Variants in SLC24A2 observed in about 807,000 individuals in gnomAD.
SLC24A2 encodes the protein sodium/potassium/calcium exchanger 2.
A neutral mutation model predicts 62.0 loss-of-function variants in SLC24A2; 36 were observed. The observed-to-expected ratio is 0.58, with a 90% CI of 0.44 to 0.77. The LOEUF (loss-of-function observed/expected upper bound fraction) is 0.77, where lower values mean the gene tolerates loss of function less well. SLC24A2 is among the 30% of genes least tolerant of loss of function. The probability of loss-of-function intolerance (pLI) is 0.00; values close to 1 mark genes in which losing one functional copy is unlikely to be tolerated. For synonymous variants in SLC24A2, 358 were observed against 294.0 expected, an observed-to-expected ratio of 1.22 and a Z score of -2.23; for missense variants, 846 against 817.9, an observed-to-expected ratio of 1.03 and a Z score of -0.42.
chr9:19,993,671 C>G, the SLC24A2 span, among the ~76,000 whole-genome samples: 1 of 152,184 alleles, frequency 6.6e-6, no homozygotes, highest in Non-Finnish European at 1.5e-5. Flanking sequence ...GCAGAGCCCA[C>G]ACAGAGTTCT....
the SLC24A2 span, among the ~76,000 whole-genome samples, chr9:20,056,029 C>T: frequency 6.6e-6 from 1 of 152,064 alleles, no homozygotes; most frequent in South Asian, 2.1e-4. Flanking sequence ...TGAAGTTTAC[C>T]ATACAAATTC....
At chr9:19,567,690 CAA>C (rs113815958) in intron 7 of SLC24A2, among the ~76,000 whole-genome samples, 57 of 142,508 alleles carry the variant, frequency 4.0e-4, no homozygotes, top group African/African-American at 9.9e-4. Flanking sequence ...TTAAAATAAC[CAA>C]AAAAAAAAAA....
the SLC24A2 span, among the ~76,000 whole-genome samples, chr9:20,081,053 T>C: frequency 2.0e-5 from 3 of 152,220 alleles, no homozygotes; most frequent in Admixed American, 6.5e-5. Context: ...GTTCAACCAT[T>C]GTGGAAGTCA....
the SLC24A2 span, among the ~76,000 whole-genome samples, chr9:19,884,012 C>T: frequency 1.3e-5 from 2 of 152,162 alleles, no homozygotes; most frequent in Admixed American, 6.5e-5. Flanking sequence ...GAAGTGATCT[C>T]ATCGAGTACA....
chr9:19,518,888 T>G (rs1034111768), intron 10 of SLC24A2, among the ~76,000 whole-genome samples: 4 of 152,176 alleles, frequency 2.6e-5, no homozygotes, highest in African/African-American at 9.7e-5. Flanking sequence ...AAAGAACTTT[T>G]TGGAAAAGAA....
the SLC24A2 span, among the ~76,000 whole-genome samples, chr9:20,258,740 A>G: frequency 6.6e-6 from 1 of 152,022 alleles, no homozygotes; most frequent in East Asian, 1.9e-4. Flanking sequence ...TTGTAAGCCA[A>G]TTCCCTAATG....
chr9:20,113,186 C>T, the SLC24A2 span, among the ~76,000 whole-genome samples: 88 of 152,236 alleles, frequency 5.8e-4, no homozygotes, highest in Middle Eastern at 3.4e-3. Flanking sequence ...AGAAATCACT[C>T]CAGGTCTTTC....
chr9:20,089,437 A>C, the SLC24A2 span, among the ~76,000 whole-genome samples: 4,550 of 152,120 alleles, frequency 0.03, 95 homozygotes, highest in Non-Finnish European at 0.047. Context: ...TTGCAGTGCT[A>C]CTGCCCTAAC....
chr9:20,059,984 C>G, the SLC24A2 span, among the ~76,000 whole-genome samples: 6 of 151,888 alleles, frequency 4.0e-5, no homozygotes, highest in Non-Finnish European at 8.8e-5. Flanking sequence ...GATTACTGAC[C>G]TTACAGAAAT....
chr9:19,854,281 G>A, the SLC24A2 span, among the ~76,000 whole-genome samples: 7 of 151,848 alleles, frequency 4.6e-5, no homozygotes, highest in Non-Finnish European at 4.4e-5. Context: ...TTTTTGAAGG[G>A]TTTTTCATGT....
Position 19,572,882 on chromosome 9 carries a change from C to G in SLC24A2, c.1347+469G>C, listed in dbSNP as rs78759108. Among the ~76,000 whole-genome samples the G allele has an allele frequency of 4.8e-3, 737 of 152,316 alleles. 45 individuals are homozygous for G. The East Asian group carries it at 0.13, about 27-fold the overall frequency. ...GAAAGCCAAAGGGGGCTCACTGAGT[C>G]TGATGGCTGTGGTTTCTCTATTACT... On this transcript the variant is annotated intron_variant, in intron 7 of 10. Coordinates refer to ENST00000341998, the MANE Select transcript of SLC24A2 (RefSeq NM_020344.4).
At chr9:19,536,132 GCTCT>G (rs972378769) in intron 8 of SLC24A2, among the ~76,000 whole-genome samples, 1 of 146,832 alleles carries the variant, frequency 6.8e-6, no homozygotes, top group Non-Finnish European at 1.5e-5. Context: ...TCATGATTTG[GCTCT>G]CTGTTTGTCT....
At chr9:19,823,340 C>G in the SLC24A2 span, among the ~76,000 whole-genome samples, 1 of 151,668 alleles carries the variant, frequency 6.6e-6, no homozygotes, top group South Asian at 2.1e-4. Flanking sequence ...TTCACAAACA[C>G]ATAATTTTGA....
intron 2 of SLC24A2, among the ~76,000 whole-genome samples, chr9:19,635,033 ATATCT>A (rs1440997460): frequency 6.6e-6 from 1 of 152,194 alleles, no homozygotes; most frequent in Non-Finnish European, 1.5e-5. Context: ...TTCCTAGGAC[ATATCT>A]TATCTGTTAT....
At chr9:19,968,714 A>G in the SLC24A2 span, among the ~76,000 whole-genome samples, 2 of 152,200 alleles carry the variant, frequency 1.3e-5, no homozygotes, top group African/African-American at 4.8e-5. Context: ...GAACATTTAC[A>G]GAGGTCCTTG....
chr9:20,284,463 C>T, the SLC24A2 span, among the ~76,000 whole-genome samples: 1 of 151,980 alleles, frequency 6.6e-6, no homozygotes, highest in East Asian at 1.9e-4. Flanking sequence ...ATCTTAATAA[C>T]TGCAGAGAAA....
the SLC24A2 span, among the ~76,000 whole-genome samples, chr9:20,289,738 T>TG: frequency 2.0e-5 from 3 of 152,098 alleles, no homozygotes; most frequent in Non-Finnish European, 2.9e-5. Flanking sequence ...TGAACTCCCA[T>TG]CCACTAGGCC....
At chr9:20,125,054 C>A in the SLC24A2 span, among the ~76,000 whole-genome samples, 3 of 152,118 alleles carry the variant, frequency 2.0e-5, no homozygotes, top group Non-Finnish European at 4.4e-5. Flanking sequence ...GTGGTAAAGC[C>A]AACTGCATAA....
the SLC24A2 span, among the ~76,000 whole-genome samples, chr9:20,052,417 G>C: frequency 5.3e-5 from 8 of 152,188 alleles, 1 homozygote; most frequent in Non-Finnish European, 8.8e-5. Flanking sequence ...AATACAATGA[G>C]GCACTGAAAT....
Sources: gnomAD v4.1 joint callset for allele counts (sites outside exome capture counted in the v4.1 genomes callset) on GRCh38, gnomAD v4.1.1 for gene constraint, MANE v1.5 for transcripts, NCBI Gene and HGNC (gene_info 2026-07-23, HGNC 2026-07-21) for gene names.